The following SOHLH2 variants were observed in gnomAD, a reference collection of about 807,000 sequenced individuals.
The protein encoded by SOHLH2 is spermatogenesis- and oogenesis-specific basic helix-loop-helix-containing protein 2.
A neutral mutation model predicts 50.4 loss-of-function variants in SOHLH2; 22 were observed. That is an observed-to-expected ratio of 0.44 (90% CI 0.31 to 0.62). The LOEUF (loss-of-function observed/expected upper bound fraction) is 0.62, where lower values mean the gene tolerates loss of function less well. SOHLH2 is among the 20% of genes least tolerant of loss of function. The pLI, the probability that SOHLH2 is intolerant of heterozygous loss-of-function variation, is 0.08. For missense variants in SOHLH2, 412 were observed against 504.4 expected (o/e 0.82, Z 1.76); for synonymous variants, 185 against 187.3 (o/e 0.99, Z 0.10).
intron 10 of SOHLH2, 69 bp from the exon 11 acceptor site, chr13:36,169,123 G>A (rs930636426): frequency 1.3e-6 from 2 of 1,549,334 alleles, no homozygotes; most frequent in Non-Finnish European, 1.7e-6. Flanking sequence ...TGTCATGATT[G>A]TATTTTCTAT....
chr13:36,174,043 GAAGAAAGTAATCA>G (rs1887034795), intron 8 of SOHLH2, among the ~76,000 whole-genome samples: 2 of 152,188 alleles, frequency 1.3e-5, no homozygotes, highest in Non-Finnish European at 2.9e-5. Flanking sequence ...TCAATCTAGA[GAAGAAAGTAATCA>G]TTTGGGAAGT....
At chr13:36,181,271 A>AGATAGC (rs1232658527) in intron 6 of SOHLH2, among the ~76,000 whole-genome samples, 3 of 152,076 alleles carry the variant, frequency 2.0e-5, no homozygotes, top group Non-Finnish European at 4.4e-5. Context: ...TACAGACAGT[A>AGATAGC]GATAGCTGGG....
At chr13:36,197,006 CT>C (rs1555245300) in intron 2 of SOHLH2, among the ~76,000 whole-genome samples, 1 of 152,154 alleles carries the variant, frequency 6.6e-6, no homozygotes, top group Non-Finnish European at 1.5e-5. Context: ...AAAATGTTCT[CT>C]TTTTTTGTGA....
At position 36,214,341 on chromosome 13, in the gene SOHLH2, C is replaced by T. The variant is rs993005939; in HGVS notation, c.48+138G>A. On this transcript the variant is annotated intron_variant, in intron 1 of 10. Coordinates refer to ENST00000379881, the MANE Select transcript of SOHLH2 (RefSeq NM_017826.3). ...GTGGACTCGCGTCCTGGAAGGGGCC[C>T]TTCCTGCTATTCGCTCCCCACAGTT... is the stretch of plus-strand genomic sequence containing the variant. 5.5e-6 allele frequency: 6 copies of T among 1,085,672 alleles called. No homozygotes were observed. The Admixed American group carries it at 1.5e-4, about 28-fold the overall frequency. The allele number at this position is 1,085,672 out of a possible 1,614,324, so 67.3% of individuals were successfully genotyped here.
chr13:36,174,570 A>T lies in SOHLH2; in HGVS notation c.790-3T>A, dbSNP rs758116553. The T allele has an allele frequency of 3.3e-5, 53 of 1,613,888 alleles. No individual in the cohort carries two copies. The highest frequency in any genetic ancestry group is 4.2e-5 in the Non-Finnish European group (49 of 1,179,990). ...TTGCTCTGAAGTGCTTCTGTAATCT[A>T]AAAAACACAGAAATATATTTAGGTA... On this transcript the variant is annotated splice_polypyrimidine_tract_variant and splice_region_variant and intron_variant, in intron 7 of 10. Transcript: ENST00000379881.
chr13:36,206,869 ATATAAC>A (rs1263574779), intron 1 of SOHLH2, among the ~76,000 whole-genome samples: 2 of 151,540 alleles, frequency 1.3e-5, no homozygotes, highest in Non-Finnish European at 3.0e-5. Context: ...TTATATAAAT[ATATAAC>A]TATAATATTT....
intron 6 of SOHLH2, among the ~76,000 whole-genome samples, chr13:36,175,908 G>C (rs1434351301): frequency 5.3e-5 from 8 of 152,116 alleles, no homozygotes; most frequent in Non-Finnish European, 1.2e-4. Context: ...CACAGCCTTT[G>C]ACATGGTTCT....
At chr13:36,191,223 C>G (rs1303585248) in intron 5 of SOHLH2, among the ~76,000 whole-genome samples, 2 of 152,004 alleles carry the variant, frequency 1.3e-5, no homozygotes, top group Admixed American at 6.6e-5. Flanking sequence ...GAGAGAGAGA[C>G]AGAGAAACAC....
chr13:36,176,510 T>A (rs1337085028), intron 6 of SOHLH2, among the ~76,000 whole-genome samples: 1 of 152,146 alleles, frequency 6.6e-6, no homozygotes, highest in Non-Finnish European at 1.5e-5. Context: ...TTTCAGACTT[T>A]TTTGGATTTT....
At chr13:36,190,206 A>G (rs1170841862) in intron 5 of SOHLH2, 150 bp from the exon 6 acceptor site, 5 of 541,378 alleles carry the variant, frequency 9.2e-6, no homozygotes, top group Non-Finnish European at 1.5e-5. Flanking sequence ...ACCATATCTT[A>G]GACATTTGGT....
intron 1 of SOHLH2, among the ~76,000 whole-genome samples, chr13:36,208,264 C>T (rs542395857): frequency 6.6e-6 from 1 of 152,252 alleles, no homozygotes; most frequent in East Asian, 1.9e-4. Context: ...TTTCTATTTC[C>T]TTCCATCTAC....
intron 1 of SOHLH2, among the ~76,000 whole-genome samples, chr13:36,205,588 G>T (rs543821412): frequency 3.9e-5 from 6 of 152,006 alleles, no homozygotes; most frequent in Non-Finnish European, 8.8e-5. Context: ...CAGTATTGCT[G>T]GGATAAACCT....
chr13:36,189,928 T>G lies in SOHLH2; in HGVS notation c.641+18A>C. 5.7e-6 allele frequency: 9 copies of G among 1,567,516 alleles called. No individual in the cohort carries two copies. The highest frequency in any genetic ancestry group is 7.8e-6 in the Non-Finnish European group (9 of 1,155,900). On this transcript the variant is annotated intron_variant, in intron 6 of 10. Transcript: ENST00000379881. Reference sequence around the variant, plus strand: ...CTACAAAAGAATAATGCTTAAAAAGTGCTATATTAAAATTCACCTTCTTAG... The same window carrying G: ...CTACAAAAGAATAATGCTTAAAAAGGGCTATATTAAAATTCACCTTCTTAG...
At chr13:36,179,227 TGTTA>T (rs1566036816) in intron 6 of SOHLH2, among the ~76,000 whole-genome samples, 1 of 152,228 alleles carries the variant, frequency 6.6e-6, no homozygotes, top group Non-Finnish European at 1.5e-5. Flanking sequence ...CTAAGTACAA[TGTTA>T]GTTATAAGTT....
chr13:36,174,759 T>C lies in SOHLH2; in HGVS notation c.752A>G (p.Tyr251Cys). The C allele has an allele frequency of 6.2e-7, 1 of 1,610,868 alleles. No individual in the cohort carries two copies. The highest frequency in any genetic ancestry group is 8.5e-7 in the Non-Finnish European group (1 of 1,179,060). The change falls in exon 7 of 11, where the codon TAT becomes TGT. Residue 251 changes from tyrosine (Y) to cysteine (C), a missense_variant. Transcript: ENST00000379881. The part of the protein sequence containing the change: ...VLEATVDYVK[Y>C]IREKISPAVM... ...GGCTGGAGAGATTTTCTCCCGGATATATTTCACATAATCAACTGTTGCCTC... is the reference window on the plus strand; with the variant it reads ...GGCTGGAGAGATTTTCTCCCGGATACATTTCACATAATCAACTGTTGCCTC...
intron 2 of SOHLH2, among the ~76,000 whole-genome samples, chr13:36,194,443 A>G (rs1887663386): frequency 6.6e-6 from 1 of 152,170 alleles, no homozygotes; most frequent in African/African-American, 2.4e-5. Context: ...TAAAGTATTT[A>G]TGGATGAAAT....
intron 2 of SOHLH2, among the ~76,000 whole-genome samples, chr13:36,197,175 T>C (rs1887758873): frequency 6.6e-6 from 1 of 152,230 alleles, no homozygotes. Flanking sequence ...GTTTGCAATT[T>C]ATTTGGGGAC....
intron 6 of SOHLH2, among the ~76,000 whole-genome samples, chr13:36,183,678 C>T (rs1022203191): frequency 1.3e-4 from 20 of 151,990 alleles, no homozygotes; most frequent in Admixed American, 5.2e-4. Context: ...CAAGATTCAA[C>T]GACATGCTAT....
chr13:36,211,383 T>G (rs192532049), intron 1 of SOHLH2, among the ~76,000 whole-genome samples: 1 of 152,244 alleles, frequency 6.6e-6, no homozygotes, highest in African/African-American at 2.4e-5. Context: ...CCATAGATAT[T>G]TATTGAGCCC....
Sources: gnomAD v4.1 joint callset for allele counts (sites outside exome capture counted in the v4.1 genomes callset) on GRCh38, gnomAD v4.1.1 for gene constraint, MANE v1.5 for transcripts, NCBI Gene and HGNC (gene_info 2026-07-23, HGNC 2026-07-21) for gene names.